SNX25: variants seen among roughly 807,000 people sequenced by gnomAD.
SNX25 encodes the protein sorting nexin 25, also known as sorting nexin-25.
Under a neutral mutation model 113.7 loss-of-function variants are expected in SNX25, and 62 were observed. That is an observed-to-expected ratio of 0.55 (90% confidence interval 0.44 to 0.67). SNX25 has a LOEUF of 0.67. SNX25 is among the 30% of genes least tolerant of loss of function. SNX25 has a pLI of 0.00. For synonymous variants in SNX25, 421 were observed against 436.2 expected, an observed-to-expected ratio of 0.97 and a Z score of 0.43; for missense variants, 1,014 against 1,161.0, an observed-to-expected ratio of 0.87 and a Z score of 1.84.
intron 9 of SNX25, 65 bp downstream of exon 9, chr4:185,323,865 GC>G (rs1159297334): frequency 1.3e-6 from 2 of 1,563,320 alleles, no homozygotes; most frequent in Non-Finnish European, 1.7e-6. Flanking sequence ...TTAAGTGGGT[GC>G]ATATTGTGTG....
At chr4:185,237,943 G>A (rs79469381) in intron 1 of SNX25, among the ~76,000 whole-genome samples, 2,912 of 150,598 alleles carry the variant, frequency 0.019, 61 homozygotes, top group Middle Eastern at 0.072. Context: ...CGTACCTGTA[G>A]TCCCAGCTAC....
chr4:185,347,834 G>T (rs2126735509), intron 13 of SNX25, among the ~76,000 whole-genome samples: 1 of 152,292 alleles, frequency 6.6e-6, no homozygotes, highest in Non-Finnish European at 1.5e-5. Context: ...TTATGGGTTT[G>T]TCCATGTTCT....
At chr4:185,362,152 T>C (rs1029803373) in intron 17 of SNX25, 47 bp downstream of exon 17, 26 of 1,544,546 alleles carry the variant, frequency 1.7e-5, no homozygotes, top group Non-Finnish European at 2.3e-5. Flanking sequence ...TCTGAGGGAA[T>C]GTGAACCCCA....
intron 1 of SNX25, among the ~76,000 whole-genome samples, chr4:185,238,142 G>T (rs912936846): frequency 1.3e-5 from 2 of 149,906 alleles, no homozygotes; most frequent in African/African-American, 4.9e-5. Flanking sequence ...TAGAGTCCTT[G>T]TCAGGCCCCT....
At chr4:185,264,848 A>C (rs142113982) in intron 4 of SNX25, among the ~76,000 whole-genome samples, 2 of 152,224 alleles carry the variant, frequency 1.3e-5, no homozygotes, top group Non-Finnish European at 2.9e-5. Flanking sequence ...TATGCTCTTC[A>C]CAGGGAAGCA....
At chr4:185,240,828 C>T (rs1743793799) in intron 1 of SNX25, among the ~76,000 whole-genome samples, 1 of 151,088 alleles carries the variant, frequency 6.6e-6, no homozygotes, top group African/African-American at 2.4e-5. Context: ...AGAGGGTCTC[C>T]TCACTTCTCA....
intron 1 of SNX25, among the ~76,000 whole-genome samples, chr4:185,236,573 A>G (rs1435028316): frequency 6.6e-6 from 1 of 152,194 alleles, no homozygotes; most frequent in East Asian, 1.9e-4. Context: ...AATATAGAAT[A>G]AGAGAATAAA....
intron 2 of SNX25, among the ~76,000 whole-genome samples, chr4:185,248,037 CGTGAA>C (rs1745109981): frequency 1.3e-5 from 2 of 152,054 alleles, no homozygotes; most frequent in African/African-American, 4.8e-5. Flanking sequence ...TGATGTTAGA[CGTGAA>C]GTTAAGAGAG....
intron 1 of SNX25, among the ~76,000 whole-genome samples, chr4:185,236,678 G>T (rs898238658): frequency 6.6e-6 from 1 of 152,148 alleles, no homozygotes; most frequent in African/African-American, 2.4e-5. Flanking sequence ...CAGATGCAAA[G>T]TTGTATGTAT....
At chr4:185,268,749 C>T (rs1043033705) in intron 5 of SNX25, among the ~76,000 whole-genome samples, 3 of 152,136 alleles carry the variant, frequency 2.0e-5, no homozygotes, top group South Asian at 2.1e-4. Flanking sequence ...GAGGCATAGA[C>T]GTAGATGGCA....
intron 1 of SNX25, among the ~76,000 whole-genome samples, chr4:185,230,105 T>C (rs1329451394): frequency 1.3e-5 from 2 of 152,092 alleles, no homozygotes; most frequent in Non-Finnish European, 2.9e-5. Flanking sequence ...GCTGGGATTA[T>C]TGGCATGAGC....
At chr4:185,307,795 C>T (rs978067198) in intron 6 of SNX25, among the ~76,000 whole-genome samples, 1 of 152,112 alleles carries the variant, frequency 6.6e-6, no homozygotes, top group Non-Finnish European at 1.5e-5. Context: ...TTATTTTGCT[C>T]TGCTGCTCAA....
At chr4:185,329,246 G>T (rs974175157) in intron 9 of SNX25, among the ~76,000 whole-genome samples, 1 of 152,182 alleles carries the variant, frequency 6.6e-6, no homozygotes, top group African/African-American at 2.4e-5. Context: ...GCCAGGCTGT[G>T]TTGCAATGAA....
intron 4 of SNX25, among the ~76,000 whole-genome samples, chr4:185,265,998 G>A (rs1288181340): frequency 6.6e-6 from 1 of 152,104 alleles, no homozygotes; most frequent in African/African-American, 2.4e-5. Flanking sequence ...CTAGAAAAAA[G>A]TTAACTATAT....
intron 7 of SNX25, among the ~76,000 whole-genome samples, chr4:185,311,284 A>ACT (rs1402087151): frequency 6.6e-6 from 1 of 152,222 alleles, no homozygotes; most frequent in Non-Finnish European, 1.5e-5. Context: ...TACCACATAG[A>ACT]TAGGAAAAGC....
chr4:185,284,061 T>C (rs538747986), intron 5 of SNX25, among the ~76,000 whole-genome samples: 2 of 152,352 alleles, frequency 1.3e-5, no homozygotes, highest in East Asian at 1.9e-4. Flanking sequence ...CTCATTAATA[T>C]CTATTGAGTG....
At chr4:185,299,574 T>C (rs1579682063) in intron 6 of SNX25, among the ~76,000 whole-genome samples, 1 of 152,182 alleles carries the variant, frequency 6.6e-6, no homozygotes. Flanking sequence ...GAACCACTGC[T>C]GCAGATGATA....
chr4:185,254,868 G>A (rs112840197), intron 2 of SNX25, among the ~76,000 whole-genome samples: 2,322 of 152,130 alleles, frequency 0.015, 67 homozygotes, highest in African/African-American at 0.054. Context: ...TTTTTGCCTG[G>A]TAGTGAGGAT....
chr4:185,329,141 A>T (rs2095176788), intron 9 of SNX25, among the ~76,000 whole-genome samples: 1 of 152,168 alleles, frequency 6.6e-6, no homozygotes, highest in African/African-American at 2.4e-5. Context: ...GCCATTTGCT[A>T]TTCGTGGTTA....
Sources: allele counts gnomAD v4.1 joint callset (sites outside exome capture counted in the v4.1 genomes callset), GRCh38; gene constraint gnomAD v4.1.1; transcripts MANE v1.5; gene names NCBI Gene and HGNC (gene_info 2026-07-23, HGNC 2026-07-21).